CFAP44: variants seen among roughly 807,000 people sequenced by gnomAD.
CFAP44 encodes cilia- and flagella-associated protein 44.
Under a neutral mutation model 216.2 loss-of-function variants are expected in CFAP44, and 134 were observed. The ratio of observed to expected loss-of-function variants is 0.62; its 90% CI spans 0.54 to 0.72. CFAP44 has a LOEUF of 0.72. Ranked by LOEUF, CFAP44 falls within the 30% of genes least tolerant of loss-of-function variation. CFAP44 has a pLI of 0.00. For missense variants in CFAP44, 2,035 were observed against 2,182.1 expected (o/e 0.93, Z 1.34); for synonymous variants, 700 against 727.6 (o/e 0.96, Z 0.61).
chr3:113,294,666 G>A (rs1411183642), intron 34 of CFAP44, 21 bp downstream of exon 34: 2 of 1,504,406 alleles, frequency 1.3e-6, no homozygotes, highest in African/African-American at 1.4e-5. Flanking sequence ...CCGAAAAAGG[G>A]TCTGAAGGTA....
At position 113,330,555 on chromosome 3, in the gene CFAP44, C is replaced by G; in HGVS notation, c.3729G>C (p.Ser1243=). 1 of 1,537,106 alleles carries G rather than the reference C, an allele frequency of 6.5e-7. No individual in the cohort carries two copies. Among genetic ancestry groups the G allele is most frequent in the South Asian group, 1.2e-5 (1 of 84,046 alleles). ...GTATGTGCTTGGATATGTGAAGAGTCGACTGAATGTTCTTCAGTTCTTGTA... is the reference window on the plus strand; with the variant it reads ...GTATGTGCTTGGATATGTGAAGAGTGGACTGAATGTTCTTCAGTTCTTGTA... ...CLVQELKNIQ[S]TLHISKHIPI... Residue 1243 remains serine, a synonymous_variant, in exon 26 of 35, where the codon TCG becomes TCC. Transcript: ENST00000393845.
intron 1 of CFAP44, 28 bp from the exon 2 acceptor site, chr3:113,433,697 TG>T: frequency 6.6e-7 from 1 of 1,514,984 alleles, no homozygotes; most frequent in Non-Finnish European, 9.1e-7. Flanking sequence ...GGATGAGATA[TG>T]GATAAAGCTG....
intron 22 of CFAP44, among the ~76,000 whole-genome samples, chr3:113,358,372 T>C (rs943210659): frequency 5.3e-5 from 8 of 152,100 alleles, no homozygotes; most frequent in African/African-American, 1.9e-4. Context: ...ATGAGAGGGA[T>C]AAAACCAGAG....
At chr3:113,314,465 T>A (rs911405294) in intron 28 of CFAP44, among the ~76,000 whole-genome samples, 2 of 152,184 alleles carry the variant, frequency 1.3e-5, no homozygotes, top group African/African-American at 4.8e-5. Flanking sequence ...ATTAAGACAT[T>A]ATCTGATTTT....
chr3:113,426,260 C>T lies in CFAP44; in HGVS notation c.271G>A (p.Ala91Thr), dbSNP rs777030443. 1 of 1,613,960 alleles carries T rather than the reference C, an allele frequency of 6.2e-7. No homozygotes were observed. The highest frequency in any genetic ancestry group is 1.7e-5 in the Admixed American group (1 of 59,992). ...TCCTCTGCTTCTTCCACAGCTGGAG[C>T]AGGGGTTTGCTGAGGTACTAAAAAA... is the stretch of plus-strand genomic sequence containing the variant. ...QSTTVPQQTP[A>T]PAVEEAEEEV... The change falls in exon 4 of 35, where the codon GCT becomes ACT. Residue 91 changes from alanine (A) to threonine (T), a missense_variant. This residue lies in a region of CFAP44 where 149 missense variants were observed against 141.8 expected (regional missense o/e 1.05). Transcript: ENST00000393845.
At position 113,433,636 on chromosome 3, in the gene CFAP44, T is replaced by A; in HGVS notation, c.29A>T (p.Asp10Val). Residue 10 changes from aspartate (D) to valine (V), a missense_variant, in exon 2 of 35, where the codon GAT becomes GTT. By Grantham distance (152) the Asp-to-Val change is radical. Around this residue, in one of 3 missense-constraint regions of CFAP44, gnomAD observed 149 missense variants for 141.8 expected, o/e 1.05. Coordinates refer to ENST00000393845, the MANE Select transcript of CFAP44 (RefSeq NM_001164496.2). ...CTTTGATGTAACTGATTTCTCCCCATCAGTATCCTGATCATCTGGTTCCTT... is the reference window on the plus strand; with the variant it reads ...CTTTGATGTAACTGATTTCTCCCCAACAGTATCCTGATCATCTGGTTCCTT... MKEPDDQDT[D>V]GEKSVTSKSD... The A allele has an allele frequency of 6.2e-7, 1 of 1,613,324 alleles. No individual in the cohort carries two copies. The highest frequency in any genetic ancestry group is 8.5e-7 in the Non-Finnish European group (1 of 1,179,854).
rs1391750088 is a variant in CFAP44 at position 113,333,621 on chromosome 3, T to A, written c.3438-38A>T. ...CAGACAACCCCCCCACACACAAATA[T>A]GACAATAAACTCTAATTTGTCTACT... On this transcript the variant is annotated intron_variant, in intron 24 of 34. Coordinates refer to ENST00000393845, the MANE Select transcript of CFAP44 (RefSeq NM_001164496.2). The A allele has an allele frequency of 2.7e-6, 4 of 1,460,804 alleles. No homozygotes were observed. In the East Asian group the frequency reaches 1.0e-4, roughly 37 times the overall value. 90.5% of individuals were successfully genotyped at this position (1,460,804 alleles called of 1,614,324 possible). A position where few individuals can be genotyped will look rare whatever the true frequency, so the allele number is the denominator to read the frequency against.
intron 2 of CFAP44, among the ~76,000 whole-genome samples, chr3:113,432,708 AT>A (rs566865875): frequency 0.024 from 3,608 of 152,326 alleles, 68 homozygotes; most frequent in African/African-American, 0.046. Flanking sequence ...TATTTTTAGT[AT>A]ACTGCCTTAA....
chr3:113,324,500 TA>T (rs1320892693), intron 28 of CFAP44, among the ~76,000 whole-genome samples: 2 of 152,134 alleles, frequency 1.3e-5, no homozygotes, highest in Non-Finnish European at 2.9e-5. Context: ...ATTAATAGGC[TA>T]AAAAGAAAAT....
chr3:113,359,634 T>C (rs113815064), intron 21 of CFAP44, among the ~76,000 whole-genome samples: 3,877 of 152,278 alleles, frequency 0.025, 147 homozygotes, highest in African/African-American at 0.08. Context: ...GATTAAATCA[T>C]GATTTCACCA....
chr3:113,300,846 T>C, intron 32 of CFAP44, among the ~76,000 whole-genome samples: 1 of 152,152 alleles, frequency 6.6e-6, no homozygotes, highest in East Asian at 1.9e-4. Context: ...CTAATAAGAT[T>C]ATGTATTTTC....
rs1254679542 is a variant in CFAP44 at position 113,403,911 on chromosome 3, T to A, written c.1111A>T (p.Asn371Tyr). Residue 371 changes from asparagine to tyrosine, a missense_variant, in exon 9 of 35, where the codon AAC (asparagine) becomes TAC (tyrosine). This residue lies in a region of CFAP44 where 1,883 missense variants were observed against 2,023.7 expected (regional missense o/e 0.93). Transcript: ENST00000393845. ...TSKSCHNGPINQIMLYEGEVI... is the reference protein window; with the variant it reads ...TSKSCHNGPIYQIMLYEGEVI... ...TCACCCTCATACAGCATTATCTGGT[T>A]AATGGGACCATTGTGACATGACTTG... The A allele has an allele frequency of 1.2e-6, 2 of 1,614,214 alleles. No homozygotes were observed. Among genetic ancestry groups the A allele is most frequent in the Admixed American group, 3.3e-5 (2 of 60,032 alleles).
chr3:113,367,491 C>T (rs1932984623), intron 18 of CFAP44, among the ~76,000 whole-genome samples: 1 of 152,184 alleles, frequency 6.6e-6, no homozygotes, highest in Admixed American at 6.5e-5. Flanking sequence ...GCTGAGGGCC[C>T]TGACTGCTAG....
At chr3:113,434,294 T>C (rs1001739669) in intron 1 of CFAP44, among the ~76,000 whole-genome samples, 2 of 152,064 alleles carry the variant, frequency 1.3e-5, no homozygotes, top group African/African-American at 4.8e-5. Context: ...GTTTGAGACA[T>C]GGATGATGGT....
intron 16 of CFAP44, among the ~76,000 whole-genome samples, chr3:113,379,757 ATCTTGGTT>A: frequency 6.6e-6 from 1 of 152,278 alleles, no homozygotes; most frequent in Non-Finnish European, 1.5e-5. Context: ...ACCCCCATCA[ATCTTGGTT>A]TTATAGAAAT....
intron 28 of CFAP44, among the ~76,000 whole-genome samples, chr3:113,313,865 T>C (rs1237917785): frequency 1.3e-5 from 2 of 152,214 alleles, no homozygotes; most frequent in African/African-American, 4.8e-5. Flanking sequence ...CTTCCCAGTC[T>C]TGAGTATGTC....
At chr3:113,439,837 A>G (rs1226037723) in intron 1 of CFAP44, among the ~76,000 whole-genome samples, 2 of 152,224 alleles carry the variant, frequency 1.3e-5, no homozygotes, top group Non-Finnish European at 2.9e-5. Context: ...AGCTCACTCA[A>G]TCCCAGCAGT....
At chr3:113,435,334 A>C (rs1005829120) in intron 1 of CFAP44, among the ~76,000 whole-genome samples, 6 of 150,352 alleles carry the variant, frequency 4.0e-5, no homozygotes, top group Admixed American at 4.0e-4. Context: ...GGAAGCAAAC[A>C]CCTCTTTTCT....
At chr3:113,321,292 G>A (rs1017330342) in intron 28 of CFAP44, among the ~76,000 whole-genome samples, 11 of 152,074 alleles carry the variant, frequency 7.2e-5, no homozygotes, top group Non-Finnish European at 1.3e-4. Flanking sequence ...CGTAATAGAC[G>A]CAGAAAAAGT....
Sources: allele counts gnomAD v4.1 joint callset (sites outside exome capture counted in the v4.1 genomes callset), GRCh38; gene constraint gnomAD v4.1.1; regional missense constraint gnomAD v4.1.1; transcripts MANE v1.5; gene names NCBI Gene and HGNC (gene_info 2026-07-23, HGNC 2026-07-21).